The following TMEM260 variants were observed in gnomAD, a reference collection of about 807,000 sequenced individuals.
The protein encoded by TMEM260 is protein O-mannosyl-transferase TMEM260.
In TMEM260, 82 loss-of-function variants were observed where a neutral mutation model predicts 88.9. That is an observed-to-expected ratio of 0.92 (90% CI 0.77 to 1.11). TMEM260 has a LOEUF of 1.11. TMEM260 is among the 50% of genes least tolerant of loss of function. The pLI, the probability that TMEM260 is intolerant of heterozygous loss-of-function variation, is 0.00. For missense variants in TMEM260, 902 were observed against 853.4 expected, an observed-to-expected ratio of 1.06 and a Z score of -0.71; for synonymous variants, 314 against 309.3, an observed-to-expected ratio of 1.02 and a Z score of -0.16.
intron 15 of TMEM260, among the ~76,000 whole-genome samples, chr14:56,644,600 TTCA>T (rs1889830030): frequency 6.6e-6 from 1 of 152,118 alleles, no homozygotes; most frequent in African/African-American, 2.4e-5. Flanking sequence ...GGGCAAGGAC[TTCA>T]TGTCTAAAAC....
At chr14:56,586,877 T>C (rs1385768711) in intron 3 of TMEM260, among the ~76,000 whole-genome samples, 1 of 152,000 alleles carries the variant, frequency 6.6e-6, no homozygotes, top group Non-Finnish European at 1.5e-5. Flanking sequence ...ACTTTTGATC[T>C]GTATGTGAAA....
intron 4 of TMEM260, 93 bp downstream of exon 4, chr14:56,604,085 A>G (rs1886743082): frequency 1.6e-6 from 2 of 1,245,330 alleles, no homozygotes; most frequent in African/African-American, 1.5e-5. Flanking sequence ...CCTTTTATCT[A>G]TTCTGATTAC....
At chr14:56,582,776 A>AGTATT in intron 1 of TMEM260, among the ~76,000 whole-genome samples, 1 of 152,166 alleles carries the variant, frequency 6.6e-6, no homozygotes, top group Non-Finnish European at 1.5e-5. Flanking sequence ...AGGTTTTTTT[A>AGTATT]CTATTCCCTT....
the TMEM260 span, among the ~76,000 whole-genome samples, chr14:56,659,631 C>G: frequency 5.3e-5 from 8 of 152,132 alleles, no homozygotes; most frequent in Non-Finnish European, 8.8e-5. Context: ...GGGCTCACAC[C>G]CAGCTTGAAG....
chr14:56,603,088 G>A (rs969874324), intron 3 of TMEM260, among the ~76,000 whole-genome samples: 2 of 152,092 alleles, frequency 1.3e-5, no homozygotes, highest in South Asian at 2.1e-4. Flanking sequence ...TCTCTGAACC[G>A]AGATCCAGAT....
intron 15 of TMEM260, among the ~76,000 whole-genome samples, chr14:56,642,017 A>G (rs893199470): frequency 6.6e-6 from 1 of 152,244 alleles, no homozygotes; most frequent in Non-Finnish European, 1.5e-5. Flanking sequence ...GCAAGTCCTT[A>G]GTGACCTGCA....
Position 56,621,618 on chromosome 14 carries a change from CAGA to C in TMEM260, c.1315_1317del (p.Arg439del). On this transcript the variant is annotated inframe_deletion, in exon 11 of 16. Coordinates refer to ENST00000261556, the MANE Select transcript of TMEM260 (RefSeq NM_017799.4). ...TGCCTCATGATGCAATTATCTTACT[CAGA>C]GGAGATTTGCCAGGAAATTCTCTCC... 6.2e-7 allele frequency: 1 copy of C among 1,613,484 alleles called. No individual in the cohort carries two copies. The highest frequency in any genetic ancestry group is 8.5e-7 in the Non-Finnish European group (1 of 1,179,688).
At chr14:56,609,413 T>A in intron 6 of TMEM260, 128 bp downstream of exon 6, 1 of 868,854 alleles carries the variant, frequency 1.2e-6, no homozygotes, top group Non-Finnish European at 1.7e-6. Flanking sequence ...GTTATTTATG[T>A]AACAAACTTG....
At chr14:56,653,745 A>AAACAAAAAAACAAAAC (rs1555343569), downstream of TMEM260, among the ~76,000 whole-genome samples, 3 of 137,368 alleles carry the variant, frequency 2.2e-5, no homozygotes, top group East Asian at 2.2e-4. Flanking sequence ...CCAAAACAAA[A>AAACAAAAAAACAAAAC]AAAAAAAAAA....
chr14:56,660,216 G>A, the TMEM260 span, among the ~76,000 whole-genome samples: 1 of 152,192 alleles, frequency 6.6e-6, no homozygotes, highest in Admixed American at 6.5e-5. Flanking sequence ...AATTGCTTCT[G>A]TAAAGATATG....
At chr14:56,613,910 A>AAAAAAAAAAAAAAAAAAAAAAAAAT (rs1465604052) in intron 7 of TMEM260, 15 of 144,418 alleles carry the variant, frequency 1.0e-4, no homozygotes, top group Admixed American at 6.4e-4. Context: ...AAAAAAAAAA[A>AAAAAAAAAAAAAAAAAAAAAAAAAT]TTTTTTTTTT....
At chr14:56,629,674 C>T (rs1888460602) in intron 12 of TMEM260, among the ~76,000 whole-genome samples, 1 of 152,126 alleles carries the variant, frequency 6.6e-6, no homozygotes. Context: ...TTTATTTCAT[C>T]TTCCTGTTTG....
intron 1 of TMEM260, among the ~76,000 whole-genome samples, 197 bp downstream of exon 1, chr14:56,580,271 C>T (rs1028657542): frequency 3.3e-5 from 5 of 152,212 alleles, no homozygotes; most frequent in African/African-American, 7.2e-5. Context: ...TTCTTTAGTT[C>T]TCAGGTTTTC....
chr14:56,579,969 G>A lies in TMEM260; in HGVS notation c.55G>A (p.Gly19Arg). 8.0e-7 allele frequency: 1 copy of A among 1,242,688 alleles called. No individual in the cohort carries two copies. The highest frequency in any genetic ancestry group is 1.0e-6 in the Non-Finnish European group (1 of 989,110). The allele number at this position is 1,242,688 out of a possible 1,614,324, so 77.0% of individuals were successfully genotyped here. The stretch of plus-strand genomic sequence containing the variant: ...GGCCCAGGGGCGGGCAGTCCGAGTG[G>A]GGCTGCGGCGCTCCGGGGGCATCCG... ...GQAQGRAVRV[G>R]LRRSGGIRGG... The change falls in exon 1 of 16, where the codon GGG becomes AGG. Residue 19 changes from glycine (G) to arginine (R), a missense_variant. By Grantham distance (125) the Gly-to-Arg change is moderately radical. Transcript: ENST00000261556.
intron 15 of TMEM260, among the ~76,000 whole-genome samples, chr14:56,641,906 A>G (rs1889622588): frequency 6.6e-6 from 1 of 151,536 alleles, no homozygotes; most frequent in African/African-American, 2.4e-5. Flanking sequence ...AGATCAGAAG[A>G]GACAAAGAAG....
chr14:56,649,452 G>A lies in TMEM260; in HGVS notation c.*1955G>A, dbSNP rs779108529. ...TATCCATTTGAAAGAAATTGTGTAAGATTATGATATTCTCTTTTCTTTAAA... is the reference window on the plus strand; with the variant it reads ...TATCCATTTGAAAGAAATTGTGTAAAATTATGATATTCTCTTTTCTTTAAA... On this transcript the variant is annotated 3_prime_UTR_variant, in exon 16 of 16. Transcript: ENST00000261556. 2.6e-5 allele frequency: 4 copies of A among 151,980 alleles called. No individual in the cohort carries two copies. Among genetic ancestry groups the A allele is most frequent in the Non-Finnish European group, 4.4e-5 (3 of 67,988 alleles). The allele number at this position is 151,980 out of a possible 1,614,324, so 9.4% of individuals were successfully genotyped here.
At chr14:56,580,734 C>G (rs765831460) in intron 1 of TMEM260, among the ~76,000 whole-genome samples, 8 of 152,192 alleles carry the variant, frequency 5.3e-5, no homozygotes, top group Non-Finnish European at 8.8e-5. Flanking sequence ...AAAAGCATGA[C>G]TCATTGGCCC....
At chr14:56,639,102 G>GA in intron 15 of TMEM260, among the ~76,000 whole-genome samples, 1 of 152,262 alleles carries the variant, frequency 6.6e-6, no homozygotes, top group East Asian at 1.9e-4. Flanking sequence ...AGCAGTTGGG[G>GA]AAATGCTCCT....
At chr14:56,650,634 C>G (rs946935018), downstream of TMEM260, 3 of 152,294 alleles carry the variant, frequency 2.0e-5, no homozygotes, top group African/African-American at 2.4e-5. Context: ...AGTGTTTTCT[C>G]TTGGTAGAAT....
Sources: gnomAD v4.1 joint callset for allele counts (sites outside exome capture counted in the v4.1 genomes callset) on GRCh38, gnomAD v4.1.1 for gene constraint, MANE v1.5 for transcripts, NCBI Gene and HGNC (gene_info 2026-07-23, HGNC 2026-07-21) for gene names.